Variants in FRMD5 observed in about 807,000 individuals in gnomAD.
FRMD5 encodes FERM domain containing 5.
Under a neutral mutation model 69.0 loss-of-function variants are expected in FRMD5, and 20 were observed. The observed-to-expected ratio is 0.29, with a 90% confidence interval of 0.20 to 0.42. The LOEUF (loss-of-function observed/expected upper bound fraction) is 0.42. FRMD5 is among the 10% of genes least tolerant of loss of function. The pLI, the probability that FRMD5 is intolerant of heterozygous loss-of-function variation, is 1.00. For missense variants in FRMD5, 595 were observed against 708.6 expected (o/e 0.84, Z 1.82); for synonymous variants, 271 against 260.1 (o/e 1.04, Z -0.40).
At chr15:44,168,295 A>G (rs946140443) in intron 1 of FRMD5, among the ~76,000 whole-genome samples, 5 of 152,234 alleles carry the variant, frequency 3.3e-5, no homozygotes, top group Admixed American at 3.3e-4. Context: ...GTTATAATGC[A>G]GTAAATACTG....
At chr15:44,139,768 TAAA>T (rs981111371) in intron 1 of FRMD5, among the ~76,000 whole-genome samples, 1 of 100,834 alleles carries the variant, frequency 9.9e-6, no homozygotes, top group Middle Eastern at 5.1e-3. Context: ...GACATAATGA[TAAA>T]AAAGAATACT....
At chr15:43,926,894 A>G (rs1001459860) in intron 1 of FRMD5, among the ~76,000 whole-genome samples, 1 of 147,438 alleles carries the variant, frequency 6.8e-6, no homozygotes, top group Non-Finnish European at 1.5e-5. Flanking sequence ...GGACCTCACT[A>G]TAAACTCGTT....
intron 1 of FRMD5, among the ~76,000 whole-genome samples, chr15:44,180,238 A>T (rs933590918): frequency 6.6e-6 from 1 of 152,140 alleles, no homozygotes; most frequent in East Asian, 1.9e-4. Flanking sequence ...CTTATAGATA[A>T]GATTAAATGA....
At chr15:44,065,366 C>T (rs1163701816) in intron 1 of FRMD5, among the ~76,000 whole-genome samples, 2 of 151,782 alleles carry the variant, frequency 1.3e-5, no homozygotes, top group African/African-American at 4.8e-5. Context: ...TTCAAAAAGC[C>T]CAAAAGGAAG....
At chr15:44,092,733 C>A (rs531449449) in intron 1 of FRMD5, among the ~76,000 whole-genome samples, 2 of 152,202 alleles carry the variant, frequency 1.3e-5, no homozygotes, top group East Asian at 3.9e-4. Context: ...CTTCTGCACC[C>A]AGAATCCTCT....
chr15:44,098,249 G>C (rs937703600), intron 1 of FRMD5, among the ~76,000 whole-genome samples: 1 of 151,990 alleles, frequency 6.6e-6, no homozygotes. Flanking sequence ...ATACAAGGCC[G>C]GGTGCAGTGG....
intron 7 of FRMD5, among the ~76,000 whole-genome samples, chr15:43,892,702 C>T (rs944535242): frequency 6.6e-6 from 1 of 152,164 alleles, no homozygotes; most frequent in African/African-American, 2.4e-5. Context: ...ACAACACAGG[C>T]GAACCTTGAA....
intron 1 of FRMD5, among the ~76,000 whole-genome samples, chr15:43,973,237 T>C (rs2090411899): frequency 6.6e-6 from 1 of 152,118 alleles, no homozygotes; most frequent in African/African-American, 2.4e-5. Context: ...TTAGCCAGGA[T>C]GGTCTCGATC....
chr15:44,003,344 T>C (rs940912057), intron 1 of FRMD5, among the ~76,000 whole-genome samples: 3 of 152,328 alleles, frequency 2.0e-5, no homozygotes, highest in Non-Finnish European at 2.9e-5. Flanking sequence ...GTCATCAACA[T>C]AGCAGTCAGG....
intron 1 of FRMD5, among the ~76,000 whole-genome samples, chr15:44,098,134 C>CTA (rs2076582252): frequency 2.0e-4 from 9 of 44,890 alleles, no homozygotes; most frequent in African/African-American, 2.5e-4. Flanking sequence ...AAAAACTAAA[C>CTA]AACAACAACA....
intron 4 of FRMD5, 48 bp from the exon 5 acceptor site, chr15:43,910,027 T>C (rs372530605): frequency 5.4e-6 from 6 of 1,101,730 alleles, no homozygotes; most frequent in Non-Finnish European, 8.2e-6. Context: ...TTTGATTGCT[T>C]TAAAGATAGA....
chr15:43,949,091 G>T (rs947161513), intron 1 of FRMD5, among the ~76,000 whole-genome samples: 4 of 152,224 alleles, frequency 2.6e-5, no homozygotes, highest in African/African-American at 9.6e-5. Flanking sequence ...GGGCTCCATG[G>T]TTAGTAGGCA....
At position 44,140,407 on chromosome 15, in the gene FRMD5, C is replaced by T. The variant is rs569663061; in HGVS notation, c.102+54546G>A. Among the ~76,000 whole-genome samples, 180 of 151,930 alleles carry T rather than the reference C, an allele frequency of 1.2e-3. 2 individuals carry two copies. The highest frequency in any genetic ancestry group is 2.2e-3 in the Non-Finnish European group (150 of 67,972). ...AAAACTTTGTAAAAATACAACTAAA[C>T]GTGTAAAGAGGGGTAGTCAAGAAGA... On this transcript the variant is annotated intron_variant, in intron 1 of 13. Coordinates refer to ENST00000417257, the MANE Select transcript of FRMD5 (RefSeq NM_032892.5).
intron 1 of FRMD5, among the ~76,000 whole-genome samples, chr15:44,155,223 G>A (rs2077507476): frequency 6.6e-6 from 1 of 152,020 alleles, no homozygotes. Flanking sequence ...CCCAAGGTCG[G>A]GAGATCAAGA....
chr15:44,047,176 G>GC (rs1464672938), intron 1 of FRMD5, among the ~76,000 whole-genome samples: 11 of 152,124 alleles, frequency 7.2e-5, no homozygotes, highest in Admixed American at 2.6e-4. Context: ...GGGCATGGTG[G>GC]CGGGTGCCTG....
chr15:43,996,479 T>C (rs1889929639), intron 1 of FRMD5, among the ~76,000 whole-genome samples: 1 of 152,192 alleles, frequency 6.6e-6, no homozygotes, highest in East Asian at 1.9e-4. Flanking sequence ...TATCTTTTCT[T>C]ATTTCTACAT....
chr15:44,175,488 A>G (rs1278773069), intron 1 of FRMD5, among the ~76,000 whole-genome samples: 1 of 152,262 alleles, frequency 6.6e-6, no homozygotes, highest in African/African-American at 2.4e-5. Flanking sequence ...GACACAAAGT[A>G]TCTAGAATTC....
chr15:44,022,531 A>C (rs1220257800), intron 1 of FRMD5, among the ~76,000 whole-genome samples: 4 of 128,424 alleles, frequency 3.1e-5, no homozygotes, highest in Admixed American at 9.7e-5. Flanking sequence ...CTGAGATTGC[A>C]CCACTGTACT....
intron 13 of FRMD5, among the ~76,000 whole-genome samples, chr15:43,881,359 G>T (rs560984194): frequency 6.6e-6 from 1 of 152,166 alleles, no homozygotes; most frequent in Non-Finnish European, 1.5e-5. Context: ...GAGAGCCAAG[G>T]GACAGTGAGA....
Sources: gnomAD v4.1 joint callset for allele counts (sites outside exome capture counted in the v4.1 genomes callset) on GRCh38, gnomAD v4.1.1 for gene constraint, MANE v1.5 for transcripts, NCBI Gene and HGNC (gene_info 2026-07-23, HGNC 2026-07-21) for gene names.